Variants in PDE1A observed in about 807,000 individuals in gnomAD.
PDE1A encodes the protein dual specificity calcium/calmodulin-dependent 3',5'-cyclic nucleotide phosphodiesterase 1A.
A neutral mutation model predicts 61.7 loss-of-function variants in PDE1A; 35 were observed. The observed-to-expected ratio is 0.57, with a 90% CI of 0.43 to 0.75. The LOEUF is 0.75. PDE1A is among the 30% of genes least tolerant of loss of function. The pLI, the probability that PDE1A is intolerant of heterozygous loss-of-function variation, is 0.00. For missense variants in PDE1A, 597 were observed against 630.6 expected, an observed-to-expected ratio of 0.95 and a Z score of 0.57; for synonymous variants, 232 against 213.2, an observed-to-expected ratio of 1.09 and a Z score of -0.77.
chr2:182,423,317 C>A (rs1039091467), intron 1 of PDE1A, among the ~76,000 whole-genome samples: 1 of 152,046 alleles, frequency 6.6e-6, no homozygotes, highest in African/African-American at 2.4e-5. Context: ...GATTTGATAA[C>A]CTAACTACAG....
chr2:182,200,861 G>A (rs562053243), intron 10 of PDE1A, among the ~76,000 whole-genome samples: 20 of 152,282 alleles, frequency 1.3e-4, no homozygotes, highest in African/African-American at 4.3e-4. Flanking sequence ...TTGTATTGTA[G>A]CACTCCAGCT....
intron 1 of PDE1A, among the ~76,000 whole-genome samples, chr2:182,269,604 G>C (rs553679318): frequency 6.6e-6 from 1 of 151,854 alleles, no homozygotes; most frequent in Non-Finnish European, 1.5e-5. Context: ...CTCATTCTAG[G>C]TGACCAAATT....
intron 2 of PDE1A, among the ~76,000 whole-genome samples, chr2:182,507,107 T>C (rs1038349867): frequency 6.6e-6 from 1 of 152,188 alleles, no homozygotes; most frequent in Non-Finnish European, 1.5e-5. Flanking sequence ...TCAATGTTTA[T>C]TTTCGTAAGC....
At chr2:182,547,826 A>T in the PDE1A span, among the ~76,000 whole-genome samples, 6 of 152,230 alleles carry the variant, frequency 3.9e-5, no homozygotes, top group Non-Finnish European at 8.8e-5. Context: ...TCTTAATGGC[A>T]TCATGTGAAT....
intron 2 of PDE1A, chr2:182,463,728 A>G (rs1006313928): frequency 4.6e-5 from 7 of 152,224 alleles, no homozygotes; most frequent in East Asian, 1.9e-4. Context: ...TGATTAACAA[A>G]ACTATAAAAG....
intron 1 of PDE1A, among the ~76,000 whole-genome samples, chr2:182,282,926 A>T (rs1036451978): frequency 2.6e-5 from 4 of 152,054 alleles, no homozygotes; most frequent in African/African-American, 9.7e-5. Context: ...GAACCTGTGC[A>T]TAGCCATACT....
intron 7 of PDE1A, among the ~76,000 whole-genome samples, chr2:182,218,781 G>T (rs1688464306): frequency 6.6e-6 from 1 of 152,074 alleles, no homozygotes; most frequent in Non-Finnish European, 1.5e-5. Flanking sequence ...AATTATGAAT[G>T]TTGAGCCAGA....
chr2:182,713,853 A>G, the PDE1A span, among the ~76,000 whole-genome samples: 2 of 152,312 alleles, frequency 1.3e-5, no homozygotes, highest in Admixed American at 1.3e-4. Context: ...AACTCTGAAC[A>G]GAGTATATGT....
At chr2:182,580,429 A>C in the PDE1A span, among the ~76,000 whole-genome samples, 2 of 152,010 alleles carry the variant, frequency 1.3e-5, no homozygotes, top group Non-Finnish European at 2.9e-5. Flanking sequence ...TCTGTGTCCA[A>C]ATTTTCTCTT....
intron 1 of PDE1A, among the ~76,000 whole-genome samples, chr2:182,269,535 T>TAAATAA (rs1559277487): frequency 4.6e-5 from 7 of 151,862 alleles, no homozygotes; most frequent in African/African-American, 1.7e-4. Flanking sequence ...AAATTAAGGA[T>TAAATAA]GTAATAATAT....
At chr2:182,148,725 T>C (rs948237117) in intron 13 of PDE1A, among the ~76,000 whole-genome samples, 1 of 152,192 alleles carries the variant, frequency 6.6e-6, no homozygotes, top group Non-Finnish European at 1.5e-5. Flanking sequence ...CTCCTTTGGC[T>C]CACCTGCCAC....
At chr2:182,296,275 T>C (rs75918953) in intron 1 of PDE1A, among the ~76,000 whole-genome samples, 1,773 of 152,304 alleles carry the variant, frequency 0.012, 17 homozygotes, top group Middle Eastern at 0.024. Context: ...ATTTCTATCA[T>C]CTTTTTCTTA....
rs1703652237 is a variant in PDE1A, at chr2:182,426,819, C to T, written c.-189G>A. The stretch of plus-strand genomic sequence containing the variant: ...CAGCTGAGCAGTGTGTCCATAGAGG[C>T]CACATAAGACAGGCACGTTGGGGCA... On this transcript the variant is annotated 5_prime_UTR_variant, in exon 1 of 14. It introduces an in-frame stop codon into an upstream open reading frame of the 5' UTR. Coordinates refer to ENST00000351439, the Ensembl canonical transcript of PDE1A. The T allele has an allele frequency of 2.1e-6, 3 of 1,406,014 alleles. No individual in the cohort carries two copies. Among genetic ancestry groups the T allele is most frequent in the East Asian group, 2.6e-5 (1 of 38,350 alleles). The allele number at this position is 1,406,014 out of a possible 1,614,324, so 87.1% of individuals were successfully genotyped here.
At chr2:182,430,246 A>C (rs890920831), upstream of PDE1A, among the ~76,000 whole-genome samples, 7 of 143,726 alleles carry the variant, frequency 4.9e-5, no homozygotes, top group Non-Finnish European at 9.1e-5. Context: ...CAATGAACTC[A>C]AACAAATTTA....
Position 182,257,042 on chromosome 2 carries a change from G to A in PDE1A, c.167+7259C>T, listed in dbSNP as rs1691871459. Among the ~76,000 whole-genome samples the A allele has an allele frequency of 3.3e-5, 5 of 152,170 alleles. No homozygotes were observed. The South Asian group carries it at 8.3e-4, about 25-fold the overall frequency. ...CCCAACTCATCCAGTGGTTCACCCT[G>A]TGGCATTTGATTTACCCTTTTCAGT... On this transcript the variant is annotated intron_variant, in intron 2 of 13. Transcript: ENST00000351439.
chr2:182,531,437 T>C, the PDE1A span, among the ~76,000 whole-genome samples: 2 of 149,800 alleles, frequency 1.3e-5, no homozygotes, highest in Non-Finnish European at 3.0e-5. Flanking sequence ...ATGATAGGAA[T>C]ATCAGAAAAT....
At chr2:182,377,844 T>C (rs2125291044) in intron 1 of PDE1A, among the ~76,000 whole-genome samples, 1 of 151,810 alleles carries the variant, frequency 6.6e-6, no homozygotes, top group East Asian at 1.9e-4. Flanking sequence ...CAAAATGCAA[T>C]TCAGACAGTT....
intron 1 of PDE1A, among the ~76,000 whole-genome samples, chr2:182,328,984 A>G (rs1697226510): frequency 6.6e-6 from 1 of 152,198 alleles, no homozygotes; most frequent in South Asian, 2.1e-4. Context: ...TTGTGTAAAC[A>G]TGGGCTTTTC....
chr2:182,172,924 T>A (rs1692367989), intron 13 of PDE1A, among the ~76,000 whole-genome samples: 2 of 152,000 alleles, frequency 1.3e-5, no homozygotes, highest in African/African-American at 4.8e-5. Context: ...TGTCCACTGA[T>A]CTTCCCAGGA....
Sources: allele counts gnomAD v4.1 joint callset (sites outside exome capture counted in the v4.1 genomes callset), GRCh38; gene constraint gnomAD v4.1.1; transcripts MANE v1.5; gene names NCBI Gene and HGNC (gene_info 2026-07-23, HGNC 2026-07-21).